CHN2: variants seen among roughly 807,000 people sequenced by gnomAD.
CHN2 encodes chimerin 2.
CHN2 carries 35 observed loss-of-function variants against 56.3 expected under a neutral mutation model. That is an observed-to-expected ratio of 0.62 (90% confidence interval 0.47 to 0.82). The LOEUF (loss-of-function observed/expected upper bound fraction) is 0.82. Ranked by LOEUF, CHN2 falls within the 40% of genes least tolerant of loss-of-function variation. The pLI is 0.00. For missense variants in CHN2, 491 were observed against 580.5 expected, an observed-to-expected ratio of 0.85 and a Z score of 1.58; for synonymous variants, 210 against 212.8, an observed-to-expected ratio of 0.99 and a Z score of 0.12.
At chr7:29,434,917 C>A (rs142064573) in intron 6 of CHN2, among the ~76,000 whole-genome samples, 18 of 152,196 alleles carry the variant, frequency 1.2e-4, no homozygotes, top group African/African-American at 4.3e-4. Flanking sequence ...CATGGCAAAA[C>A]CCCATCTCTA....
intron 6 of CHN2, among the ~76,000 whole-genome samples, chr7:29,469,348 C>T (rs1785836272): frequency 6.6e-6 from 1 of 152,180 alleles, no homozygotes; most frequent in Non-Finnish European, 1.5e-5. Flanking sequence ...ACACAGCAGG[C>T]AGAGCAATGC....
chr7:29,300,538 A>G (rs1351657811), intron 1 of CHN2, among the ~76,000 whole-genome samples: 2 of 152,184 alleles, frequency 1.3e-5, no homozygotes, highest in African/African-American at 2.4e-5. Context: ...TTCTACTTCT[A>G]ATTGTGCTCA....
intron 2 of CHN2, among the ~76,000 whole-genome samples, chr7:29,178,782 T>G (rs868443642): frequency 1.3e-5 from 2 of 152,206 alleles, no homozygotes; most frequent in Non-Finnish European, 2.9e-5. Flanking sequence ...GCCATCTGCA[T>G]TCATATGAAA....
At chr7:29,511,697 A>G (rs1791433562) in intron 12 of CHN2, among the ~76,000 whole-genome samples, 1 of 151,794 alleles carries the variant, frequency 6.6e-6, no homozygotes, top group South Asian at 2.1e-4. Flanking sequence ...TTTATGCACA[A>G]CCTAAACACA....
At chr7:29,491,175 G>A (rs886643286) in intron 7 of CHN2, among the ~76,000 whole-genome samples, 2 of 151,954 alleles carry the variant, frequency 1.3e-5, no homozygotes, top group Admixed American at 6.6e-5. Flanking sequence ...AGTTTGCTGG[G>A]TATGGCTTTC....
intron 6 of CHN2, among the ~76,000 whole-genome samples, chr7:29,442,400 A>G (rs929615540): frequency 6.6e-6 from 1 of 152,174 alleles, no homozygotes. Context: ...TGCAGGGTTG[A>G]TTGAGCTCAG....
intron 6 of CHN2, among the ~76,000 whole-genome samples, chr7:29,419,551 T>C (rs1804121932): frequency 6.6e-6 from 1 of 152,292 alleles, no homozygotes; most frequent in Non-Finnish European, 1.5e-5. Context: ...AGGCAACTTA[T>C]GGAATGGGAC....
At chr7:29,497,056 G>A (rs1363685341) in intron 8 of CHN2, among the ~76,000 whole-genome samples, 1 of 152,176 alleles carries the variant, frequency 6.6e-6, no homozygotes, top group Non-Finnish European at 1.5e-5. Context: ...CCTGGAAGAG[G>A]CTTCTAGCTT....
At chr7:29,467,481 ACT>A (rs1161508818) in intron 6 of CHN2, among the ~76,000 whole-genome samples, 6 of 152,244 alleles carry the variant, frequency 3.9e-5, no homozygotes, top group South Asian at 2.1e-4. Flanking sequence ...TTTTGTCCTG[ACT>A]CTACAACTAA....
Position 29,268,171 on chromosome 7 carries a change from G to T in CHN2, c.49+73181G>T, listed in dbSNP as rs549248390. On this transcript the variant is annotated intron_variant, in intron 1 of 12. Transcript: ENST00000222792. ...ATTATCCATATTTAGTATATGTGGTGGGTTAAAAAATGTCATCCATTTTTG... is the reference window on the plus strand; with the variant it reads ...ATTATCCATATTTAGTATATGTGGTTGGTTAAAAAATGTCATCCATTTTTG... Among the ~76,000 whole-genome samples, 18 of 152,036 alleles carry T rather than the reference G, an allele frequency of 1.2e-4. No individual in the cohort carries two copies. In the South Asian group the frequency reaches 3.7e-3, roughly 32 times the overall value.
At chr7:29,223,647 A>T (rs1379255287) in intron 1 of CHN2, among the ~76,000 whole-genome samples, 1 of 152,136 alleles carries the variant, frequency 6.6e-6, no homozygotes, top group Middle Eastern at 3.2e-3. Flanking sequence ...CTATAAATTT[A>T]ATTGTATACA....
chr7:29,310,711 T>G (rs1234470259), intron 1 of CHN2, among the ~76,000 whole-genome samples: 1 of 152,190 alleles, frequency 6.6e-6, no homozygotes, highest in African/African-American at 2.4e-5. Context: ...ATTTCCTGAT[T>G]CATAAACAGG....
chr7:29,453,805 A>G (rs1784562413), intron 6 of CHN2, among the ~76,000 whole-genome samples: 1 of 152,202 alleles, frequency 6.6e-6, no homozygotes, highest in Non-Finnish European at 1.5e-5. Context: ...CCATTTTAAA[A>G]GATTCACTCG....
At chr7:29,240,580 A>C (rs559971581) in intron 1 of CHN2, among the ~76,000 whole-genome samples, 2 of 152,302 alleles carry the variant, frequency 1.3e-5, no homozygotes, top group South Asian at 4.1e-4. Context: ...GTGTGTACAG[A>C]AAAAAGATAA....
intron 1 of CHN2, among the ~76,000 whole-genome samples, chr7:29,257,947 C>A (rs1248596448): frequency 1.3e-5 from 2 of 152,066 alleles, no homozygotes; most frequent in Non-Finnish European, 2.9e-5. Flanking sequence ...GCCACCACCC[C>A]TGGCTAATTT....
At chr7:29,505,127 G>A (rs529958241) in intron 10 of CHN2, among the ~76,000 whole-genome samples, 8 of 152,148 alleles carry the variant, frequency 5.3e-5, no homozygotes, top group Non-Finnish European at 1.2e-4. Flanking sequence ...AGGGATCATA[G>A]GGATGGGAGG....
chr7:29,240,498 G>A (rs1478100725), intron 1 of CHN2, among the ~76,000 whole-genome samples: 1 of 152,214 alleles, frequency 6.6e-6, no homozygotes, highest in Non-Finnish European at 1.5e-5. Context: ...TGGGCAGGTA[G>A]AAGAAACTAT....
At chr7:29,292,933 G>GA in intron 1 of CHN2, 1 of 456,148 alleles carries the variant, frequency 2.2e-6, no homozygotes, top group South Asian at 1.5e-5. Flanking sequence ...AGTCTATTCT[G>GA]AACCCAGAAG....
intron 1 of CHN2, among the ~76,000 whole-genome samples, chr7:29,223,769 T>C (rs1379967436): frequency 1.3e-5 from 2 of 152,190 alleles, no homozygotes; most frequent in African/African-American, 2.4e-5. Context: ...ATTTCTGTTA[T>C]ATACACATGG....
Sources: gnomAD v4.1 joint callset for allele counts (sites outside exome capture counted in the v4.1 genomes callset) on GRCh38, gnomAD v4.1.1 for gene constraint, MANE v1.5 for transcripts, NCBI Gene and HGNC (gene_info 2026-07-23, HGNC 2026-07-21) for gene names.